EYS: variants seen among roughly 807,000 people sequenced by gnomAD.
EYS encodes the protein EGF-like photoreceptor maintenance factor, also known as protein eyes shut homolog.
EYS carries 250 observed loss-of-function variants against 282.1 expected under a neutral mutation model. The observed-to-expected ratio is 0.89, with a 90% CI of 0.80 to 0.98. The LOEUF (loss-of-function observed/expected upper bound fraction) is 0.98. EYS is among the 50% of genes least tolerant of loss of function. The probability of loss-of-function intolerance (pLI) is 0.00; values close to 1 mark genes in which losing one functional copy is unlikely to be tolerated. For missense variants in EYS, 4,016 were observed against 3,709.0 expected (o/e 1.08, Z -2.15); for synonymous variants, 1,355 against 1,282.9 (o/e 1.06, Z -1.20).
intron 29 of EYS, among the ~76,000 whole-genome samples, chr6:64,360,428 G>A (rs1771964678): frequency 6.6e-6 from 1 of 151,686 alleles, no homozygotes; most frequent in Non-Finnish European, 1.5e-5. Flanking sequence ...CGGCCTTCTT[G>A]TGTGCCGCTA....
intron 22 of EYS, among the ~76,000 whole-genome samples, chr6:64,699,935 A>T (rs1770722392): frequency 6.6e-6 from 1 of 152,044 alleles, no homozygotes; most frequent in African/African-American, 2.4e-5. Flanking sequence ...ATAGATATAG[A>T]TGCAAAAATC....
chr6:64,453,642 T>G (rs999255471), intron 26 of EYS, among the ~76,000 whole-genome samples: 3 of 152,020 alleles, frequency 2.0e-5, no homozygotes, highest in Non-Finnish European at 4.4e-5. Context: ...ATTAAGAAAA[T>G]GTGTCACATT....
intron 26 of EYS, among the ~76,000 whole-genome samples, chr6:64,454,391 A>T (rs1775483639): frequency 6.6e-6 from 1 of 152,100 alleles, no homozygotes; most frequent in Admixed American, 6.6e-5. Context: ...TAAATATTGA[A>T]ATTAGCTACA....
intron 30 of EYS, among the ~76,000 whole-genome samples, chr6:64,301,136 T>C (rs1582561727): frequency 3.3e-5 from 5 of 152,198 alleles, no homozygotes; most frequent in Admixed American, 3.3e-4. Flanking sequence ...CTTGGGTACA[T>C]ACTAACTTCC....
intron 29 of EYS, among the ~76,000 whole-genome samples, chr6:64,372,567 AT>A (rs1039247843): frequency 1.3e-5 from 2 of 151,980 alleles, no homozygotes; most frequent in Admixed American, 1.3e-4. Context: ...GTTTCTCTGC[AT>A]TTTGATTTGA....
chr6:64,475,313 AGGC>A, intron 26 of EYS, among the ~76,000 whole-genome samples: 3 of 71,398 alleles, frequency 4.2e-5, no homozygotes, highest in East Asian at 8.1e-4. Flanking sequence ...GCACTTTGGG[AGGC>A]CGAGGCGGGC....
chr6:64,632,763 T>C (rs1232907173), intron 22 of EYS, among the ~76,000 whole-genome samples: 1 of 152,128 alleles, frequency 6.6e-6, no homozygotes, highest in Non-Finnish European at 1.5e-5. Flanking sequence ...ATTCAGTGAA[T>C]AGGCAAAGCC....
chr6:64,523,656 G>A (rs1012098232), intron 26 of EYS, among the ~76,000 whole-genome samples: 3 of 151,638 alleles, frequency 2.0e-5, no homozygotes, highest in African/African-American at 4.8e-5. Flanking sequence ...CTTCTTGAGA[G>A]AGGAATGGGT....
In EYS at chr6:65,442,888, GTACATA is replaced by G. The variant is rs1768407638; in HGVS notation, c.863-37527_863-37522del. ...TATACATACATATACACATACATAT[GTACATA>G]TATGTATATATACATGCACATACAT... On this transcript the variant is annotated intron_variant, in intron 5 of 42. Transcript: ENST00000503581. Among the ~76,000 whole-genome samples, 2 of 100,226 alleles carry G rather than the reference GTACATA, an allele frequency of 2.0e-5. 1 individual carries two copies. Among genetic ancestry groups the G allele is most frequent in the Non-Finnish European group, 5.1e-5 (2 of 39,384 alleles). 65.8% of individuals were successfully genotyped at this position (100,226 alleles called of 152,430 possible).
chr6:65,292,066 C>T (rs1402846187), intron 12 of EYS, among the ~76,000 whole-genome samples: 3 of 151,476 alleles, frequency 2.0e-5, no homozygotes, highest in Admixed American at 6.6e-5. Context: ...GGCACAACCC[C>T]GGTGACTAAA....
intron 33 of EYS, 71 bp downstream of exon 33, chr6:64,066,267 G>C (rs1771364890): frequency 7.4e-7 from 1 of 1,346,204 alleles, no homozygotes; most frequent in South Asian, 1.3e-5. Flanking sequence ...GACAGAGCAA[G>C]ACTCCATCTC....
chr6:63,758,200 G>A (rs1769540236), intron 41 of EYS, among the ~76,000 whole-genome samples: 1 of 152,116 alleles, frequency 6.6e-6, no homozygotes, highest in Non-Finnish European at 1.5e-5. Flanking sequence ...ACTGCACCTG[G>A]CTGAGTATTG....
Position 65,451,153 on chromosome 6 carries a change from T to G in EYS, c.862+39441A>C, listed in dbSNP as rs1764380848. Among the ~76,000 whole-genome samples, 3 of 152,072 alleles carry G rather than the reference T, an allele frequency of 2.0e-5. No individual in the cohort carries two copies. The South Asian group carries it at 6.2e-4, about 31-fold the overall frequency. ...ATTTTTCTATTCTATTAATCTAGATTTCTAGATTAATAGAAAGACAATGCA... is the reference window on the plus strand; with the variant it reads ...ATTTTTCTATTCTATTAATCTAGATGTCTAGATTAATAGAAAGACAATGCA... On this transcript the variant is annotated intron_variant, in intron 5 of 42. Coordinates refer to ENST00000503581, the MANE Select transcript of EYS (RefSeq NM_001142800.2).
intron 29 of EYS, among the ~76,000 whole-genome samples, chr6:64,330,146 G>C (rs972557205): frequency 6.6e-6 from 1 of 152,164 alleles, no homozygotes; most frequent in Admixed American, 6.5e-5. Flanking sequence ...TCAAGGCACA[G>C]AAAGCTTCCT....
rs571398926 is a variant in EYS at position 64,141,056 on chromosome 6, A to G, written c.6425-59054T>C. ...ACATTTTAAAGATGCATTTCATTGG[A>G]TTATTATTTTATAATTTTCATTCCC... On this transcript the variant is annotated intron_variant, in intron 31 of 42. Coordinates refer to ENST00000503581, the MANE Select transcript of EYS (RefSeq NM_001142800.2). 4.6e-5 allele frequency among the ~76,000 whole-genome samples: 7 copies of G among 152,276 alleles called. No individual in the cohort carries two copies. In the South Asian group the frequency reaches 1.5e-3, roughly 32 times the overall value.
intron 37 of EYS, among the ~76,000 whole-genome samples, chr6:63,805,747 G>C (rs1376701643): frequency 3.9e-5 from 6 of 152,180 alleles, no homozygotes; most frequent in Non-Finnish European, 2.9e-5. Context: ...TAGTGAGTGA[G>C]TTCTCAGGAG....
chr6:64,305,306 A>G (rs1769397604), intron 30 of EYS, among the ~76,000 whole-genome samples: 1 of 152,108 alleles, frequency 6.6e-6, no homozygotes, highest in Non-Finnish European at 1.5e-5. Context: ...ATGAATTGGA[A>G]AAAAGTGATA....
rs1231841598 is a variant in EYS, at chr6:65,204,902, A to AACGC, written c.2023+90960_2023+90961insGCGT. On this transcript the variant is annotated intron_variant, in intron 12 of 42. Transcript: ENST00000503581. ...AGAACGTATTTATATATTCTGGAAG[A>AACGC]ATGTATTTATATATTCTTTATATAT... 6.1e-3 allele frequency among the ~76,000 whole-genome samples: 611 copies of AACGC among 99,610 alleles called. 7 individuals are homozygous for AACGC. Among genetic ancestry groups the AACGC allele is most frequent in the African/African-American group, 0.02 (539 of 27,360 alleles). The allele number at this position is 99,610 out of a possible 152,430, so 65.3% of individuals were successfully genotyped here. A position where few individuals can be genotyped will look rare whatever the true frequency, so the allele number is the denominator to read the frequency against.
At chr6:64,174,623 A>G (rs892811647) in intron 31 of EYS, among the ~76,000 whole-genome samples, 1 of 151,762 alleles carries the variant, frequency 6.6e-6, no homozygotes, top group African/African-American at 2.4e-5. Context: ...CTGTGAAACA[A>G]TTAGGGTAAT....
Sources: gnomAD v4.1 joint callset for allele counts (sites outside exome capture counted in the v4.1 genomes callset) on GRCh38, gnomAD v4.1.1 for gene constraint, MANE v1.5 for transcripts, NCBI Gene and HGNC (gene_info 2026-07-23, HGNC 2026-07-21) for gene names.